The following CHRNA5 variants were observed in gnomAD, a reference collection of about 807,000 sequenced individuals.
CHRNA5 encodes neuronal acetylcholine receptor subunit alpha-5.
A neutral mutation model predicts 41.2 loss-of-function variants in CHRNA5; 28 were observed. The ratio of observed to expected loss-of-function variants is 0.68; its 90% CI spans 0.50 to 0.93. The LOEUF is 0.93. Among genes scored for constraint, CHRNA5 ranks in the 40% least tolerant of loss-of-function variants. The pLI is 0.00. For synonymous variants in CHRNA5, 188 were observed against 205.8 expected, an observed-to-expected ratio of 0.91 and a Z score of 0.74; for missense variants, 481 against 581.9, an observed-to-expected ratio of 0.83 and a Z score of 1.78.
intron 5 of CHRNA5, 62 bp downstream of exon 5, chr15:78,590,698 AT>A (rs2053005414): frequency 7.0e-7 from 1 of 1,437,384 alleles, no homozygotes; most frequent in African/African-American, 1.4e-5. Context: ...AGTTACTTTC[AT>A]TAATTTTGGC....
exon 1 of CHRNA5, chr15:78,565,773 G>C (rs534031880): frequency 3.3e-6 from 4 of 1,218,644 alleles, no homozygotes; most frequent in Non-Finnish European, 4.1e-6. Context: ...TCTTGGTCCA[G>C]CTGGTCGCGG....
intron 1 of CHRNA5, among the ~76,000 whole-genome samples, chr15:78,579,139 G>T (rs2052886252): frequency 6.7e-6 from 1 of 149,538 alleles, no homozygotes; most frequent in Non-Finnish European, 1.5e-5. Context: ...CCTGATTTTT[G>T]AACGGGAATT....
At chr15:78,591,995 G>A (rs888071202) in intron 5 of CHRNA5, among the ~76,000 whole-genome samples, 1 of 152,210 alleles carries the variant, frequency 6.6e-6, no homozygotes. Flanking sequence ...ATACTACTAG[G>A]ACCAAGGAGG....
intron 2 of CHRNA5, among the ~76,000 whole-genome samples, chr15:78,581,476 TTAAAC>T (rs2052912785): frequency 6.6e-6 from 1 of 152,342 alleles, no homozygotes; most frequent in South Asian, 2.1e-4. Context: ...TCCTATCTAT[TTAAAC>T]TAAAACATTC....
exon 6 of CHRNA5, chr15:78,595,026 C>G (rs2053077648): frequency 6.6e-6 from 1 of 152,284 alleles, no homozygotes; most frequent in African/African-American, 2.4e-5. Context: ...TCACAAACAC[C>G]TCATTTATTT....
chr15:78,567,397 A>G (rs945747959), intron 1 of CHRNA5, among the ~76,000 whole-genome samples: 8 of 152,304 alleles, frequency 5.3e-5, no homozygotes, highest in Non-Finnish European at 1.0e-4. Context: ...ACCCCTTTTG[A>G]TGAAACTGAA....
At chr15:78,592,564 G>C (rs886509936) in intron 5 of CHRNA5, among the ~76,000 whole-genome samples, 9 of 152,100 alleles carry the variant, frequency 5.9e-5, no homozygotes, top group African/African-American at 2.2e-4. Context: ...ACTAAAGCTG[G>C]CTCCAGGGAA....
chr15:78,579,999 G>A (rs1434693063), intron 1 of CHRNA5, among the ~76,000 whole-genome samples: 1 of 151,856 alleles, frequency 6.6e-6, no homozygotes. Flanking sequence ...ATTATGACAG[G>A]CCAGGCACAG....
At chr15:78,582,524 G>C (rs375653788) in intron 2 of CHRNA5, among the ~76,000 whole-genome samples, 4 of 151,486 alleles carry the variant, frequency 2.6e-5, no homozygotes, top group Admixed American at 6.6e-5. Flanking sequence ...AAGGTGGGTG[G>C]GGCTTGCTCT....
exon 6 of CHRNA5, chr15:78,595,265 C>G (rs71528569): frequency 1.0e-6 from 1 of 983,422 alleles, no homozygotes; most frequent in African/African-American, 1.7e-5. Flanking sequence ...AAATTTTTAT[C>G]GACATCTTTC....
At position 78,585,785 on chromosome 15, in the gene CHRNA5, T is replaced by C. The variant is rs904728863; in HGVS notation, c.259-860T>C. Among the ~76,000 whole-genome samples, 8 of 88,050 alleles carry C rather than the reference T, an allele frequency of 9.1e-5. 1 individual carries two copies. Among genetic ancestry groups the C allele is most frequent in the Non-Finnish European group, 1.7e-4 (8 of 46,268 alleles). The allele number at this position is 88,050 out of a possible 152,430, so 57.8% of individuals were successfully genotyped here. ...TTTTTCTTTTTCTTTTTCTTTTCTT[T>C]TCTTTCTTTTTTTTTTTGAGATGGA... On this transcript the variant is annotated intron_variant, in intron 2 of 5. Transcript: ENST00000299565.
chr15:78,566,034 TTTG>T, intron 1 of CHRNA5, among the ~76,000 whole-genome samples: 1 of 152,318 alleles, frequency 6.6e-6, no homozygotes, highest in Non-Finnish European at 1.5e-5. Context: ...GTGGGTTTTC[TTTG>T]TTGTTCCACG....
intron 1 of CHRNA5, among the ~76,000 whole-genome samples, chr15:78,577,034 T>A (rs186067520): frequency 1.2e-4 from 19 of 152,200 alleles, no homozygotes; most frequent in African/African-American, 4.3e-4. Flanking sequence ...TACCAGTGTG[T>A]TCCCAGTGCC....
Position 78,590,827 on chromosome 15 carries a change from T to C in CHRNA5, c.1245+191T>C. 5.3e-6 allele frequency: 3 copies of C among 569,386 alleles called. No homozygotes were observed. The South Asian group carries it at 7.0e-5, about 13-fold the overall frequency. 35.3% of individuals were successfully genotyped at this position (569,386 alleles called of 1,614,324 possible). A position where few individuals can be genotyped will look rare whatever the true frequency, so the allele number is the denominator to read the frequency against. On this transcript the variant is annotated intron_variant, in intron 5 of 5. Transcript: ENST00000299565. ...TGTTTCAGTTAAAGCACCTGCAAAATGGGGCATTTACACAAATCTCACTTC... is the reference window on the plus strand; with the variant it reads ...TGTTTCAGTTAAAGCACCTGCAAAACGGGGCATTTACACAAATCTCACTTC...
In CHRNA5 at chr15:78,580,981, C is replaced by T; in HGVS notation, c.258+19C>T. 1 of 1,605,354 alleles carries T rather than the reference C, an allele frequency of 6.2e-7. No homozygotes were observed. The highest frequency in any genetic ancestry group is 8.5e-7 in the Non-Finnish European group (1 of 1,177,602). On this transcript the variant is annotated intron_variant, in intron 2 of 5. Coordinates refer to ENST00000299565, the Ensembl canonical transcript of CHRNA5. ...GGATGTGGTAGGTGTGCATATCCTT[C>T]TATAGTCAATTTCCCACAGATTTAG... is the stretch of plus-strand genomic sequence containing the variant.
intron 1 of CHRNA5, among the ~76,000 whole-genome samples, chr15:78,572,702 C>T (rs1008613284): frequency 1.3e-5 from 2 of 152,014 alleles, no homozygotes; most frequent in Non-Finnish European, 2.9e-5. Context: ...ATACTGGTCT[C>T]GAACTCCCGA....
intron 2 of CHRNA5, among the ~76,000 whole-genome samples, chr15:78,583,985 G>A (rs2052936573): frequency 6.6e-6 from 1 of 152,138 alleles, no homozygotes; most frequent in Non-Finnish European, 1.5e-5. Flanking sequence ...GCAGGAACCT[G>A]ATCCTTGAGG....
At chr15:78,570,422 C>CTTTTTTTT (rs1567050748) in intron 1 of CHRNA5, among the ~76,000 whole-genome samples, 1 of 66,284 alleles carries the variant, frequency 1.5e-5, no homozygotes, top group East Asian at 1.3e-3. Flanking sequence ...CCAATCCCGG[C>CTTTTTTTT]TATTTTTTTT....
chr15:78,572,015 G>T (rs1026105531), intron 1 of CHRNA5, among the ~76,000 whole-genome samples: 1 of 151,742 alleles, frequency 6.6e-6, no homozygotes, highest in African/African-American at 2.4e-5. Flanking sequence ...GTCACTTTTT[G>T]CTAACTTATA....
Sources: allele counts gnomAD v4.1 joint callset (sites outside exome capture counted in the v4.1 genomes callset), GRCh38; gene constraint gnomAD v4.1.1; transcripts MANE v1.5; gene names NCBI Gene and HGNC (gene_info 2026-07-23, HGNC 2026-07-21).